The following GRIA1 variants were observed in gnomAD, a reference collection of about 807,000 sequenced individuals.
GRIA1 encodes glutamate receptor 1.
In GRIA1, 31 loss-of-function variants were observed where a neutral mutation model predicts 99.2. The observed-to-expected ratio is 0.31, with a 90% confidence interval of 0.23 to 0.42. The LOEUF (loss-of-function observed/expected upper bound fraction) is 0.42. GRIA1 is among the 10% of genes least tolerant of loss of function. The pLI is 1.00. For missense variants in GRIA1, 782 were observed against 1,157.5 expected (o/e 0.68, Z 4.71); for synonymous variants, 438 against 432.4 (o/e 1.01, Z -0.16).
chr5:153,703,872 G>A (rs1416046170), intron 10 of GRIA1, among the ~76,000 whole-genome samples: 4 of 152,096 alleles, frequency 2.6e-5, no homozygotes, highest in African/African-American at 4.8e-5. Context: ...CCTCCCTTCC[G>A]GATAACTTGT....
chr5:153,727,138 C>T (rs1159469665), intron 11 of GRIA1, among the ~76,000 whole-genome samples: 2 of 152,176 alleles, frequency 1.3e-5, no homozygotes, highest in East Asian at 1.9e-4. Context: ...ACAAAAACCA[C>T]ATGATTATCT....
chr5:153,518,998 C>T (rs1756882245), intron 2 of GRIA1, among the ~76,000 whole-genome samples: 1 of 152,180 alleles, frequency 6.6e-6, no homozygotes. Context: ...GGCACGGTGG[C>T]TTACGCCTGT....
chr5:153,806,555 C>T (rs1332946095), intron 15 of GRIA1, among the ~76,000 whole-genome samples: 3 of 152,168 alleles, frequency 2.0e-5, no homozygotes, highest in Admixed American at 1.3e-4. Context: ...TGAGCCACCA[C>T]GCCCCGCCCT....
chr5:153,672,051 A>C (rs570348366), intron 5 of GRIA1, among the ~76,000 whole-genome samples: 100 of 152,288 alleles, frequency 6.6e-4, no homozygotes, highest in African/African-American at 2.2e-3. Flanking sequence ...AATCCTAAAA[A>C]ACCAGGGAAG....
intron 2 of GRIA1, among the ~76,000 whole-genome samples, chr5:153,613,085 C>G (rs755235254): frequency 1.3e-5 from 2 of 152,126 alleles, no homozygotes; most frequent in Non-Finnish European, 2.9e-5. Context: ...GGAGTCGGTC[C>G]TTTTTGGACT....
At chr5:153,702,719 T>C (rs1017056445) in intron 10 of GRIA1, among the ~76,000 whole-genome samples, 1 of 152,182 alleles carries the variant, frequency 6.6e-6, no homozygotes, top group African/African-American at 2.4e-5. Flanking sequence ...CTCTGGCGTG[T>C]GTGTCTTTAA....
chr5:153,806,209 C>T (rs1423862240), intron 15 of GRIA1, among the ~76,000 whole-genome samples: 1 of 152,156 alleles, frequency 6.6e-6, no homozygotes, highest in Non-Finnish European at 1.5e-5. Context: ...CTTTCCCTCT[C>T]ATTTCTTTCC....
chr5:153,655,954 G>A (rs1023545790), intron 5 of GRIA1, 82 bp downstream of exon 5: 9 of 1,184,868 alleles, frequency 7.6e-6, no homozygotes, highest in South Asian at 4.9e-5. Context: ...CCTGGCTGAT[G>A]TGAACTGAGT....
intron 11 of GRIA1, among the ~76,000 whole-genome samples, chr5:153,722,603 T>G (rs548156201): frequency 2.5e-4 from 38 of 152,332 alleles, no homozygotes; most frequent in African/African-American, 8.7e-4. Context: ...TTCACATAAA[T>G]CAGTTACCAA....
chr5:153,600,118 G>A (rs1440826156), intron 2 of GRIA1, among the ~76,000 whole-genome samples: 1 of 151,946 alleles, frequency 6.6e-6, no homozygotes, highest in Non-Finnish European at 1.5e-5. Context: ...TGGACCCGGC[G>A]CGGTGGCTCA....
intron 11 of GRIA1, among the ~76,000 whole-genome samples, chr5:153,742,597 T>C (rs1183802450): frequency 1.3e-5 from 2 of 152,214 alleles, no homozygotes; most frequent in Non-Finnish European, 2.9e-5. Context: ...ATCCACTTCC[T>C]GTGTTTGTGA....
In GRIA1 at chr5:153,535,168, C is replaced by T. The variant is rs190999458; in HGVS notation, c.220+41103C>T. Among the ~76,000 whole-genome samples the T allele has an allele frequency of 2.3e-3, 349 of 152,242 alleles. 2 individuals are homozygous for T. Among genetic ancestry groups the T allele is most frequent in the African/African-American group, 8.3e-3 (344 of 41,546 alleles). ...AACTCCTGACCTCAAGCGATCTGCC[C>T]GTCTCGGCCTCCCAAAATGCTGGGA... On this transcript the variant is annotated intron_variant, in intron 2 of 15. Coordinates refer to ENST00000285900, the MANE Select transcript of GRIA1 (RefSeq NM_000827.4).
rs192278707 is a variant in GRIA1, at chr5:153,760,013, C to A, written c.1824-4421C>A. Among the ~76,000 whole-genome samples, 389 of 151,858 alleles carry A rather than the reference C, an allele frequency of 2.6e-3. 3 individuals are homozygous for A. The highest frequency in any genetic ancestry group is 8.7e-3 in the African/African-American group (359 of 41,446). On this transcript the variant is annotated intron_variant, in intron 11 of 15. Transcript: ENST00000285900. ...ATTCAGCAACCTTTTATGACGAAAA[C>A]CCTCAACAAATTAACTATAGAAAGA...
intron 13 of GRIA1, among the ~76,000 whole-genome samples, chr5:153,783,530 C>G (rs1764773537): frequency 6.6e-6 from 1 of 152,168 alleles, no homozygotes; most frequent in African/African-American, 2.4e-5. Flanking sequence ...TTGGAGGAGC[C>G]AGACTTCAGA....
chr5:153,677,120 C>T lies in GRIA1; in HGVS notation c.988C>T (p.Pro330Ser), dbSNP rs745977119. The change falls in exon 7 of 16, where the codon CCC becomes TCC. Residue 330 changes from proline to serine, a missense_variant. Coordinates refer to ENST00000285900, the MANE Select transcript of GRIA1 (RefSeq NM_000827.4). ...GGATTGTCTGGCTAACCCAGCTGTTCCCTGGGGCCAAGGGATCGACATCCA... is the reference window on the plus strand; with the variant it reads ...GGATTGTCTGGCTAACCCAGCTGTTTCCTGGGGCCAAGGGATCGACATCCA... ...AGDCLANPAV[P>S]WGQGIDIQRA... 16 of 1,566,412 alleles carry T rather than the reference C, an allele frequency of 1.0e-5. No homozygotes were observed. The highest frequency in any genetic ancestry group is 1.4e-5 in the Non-Finnish European group (16 of 1,150,964).
In GRIA1 at chr5:153,753,734, T is replaced by C. The variant is rs932306506; in HGVS notation, c.1824-10700T>C. 5.4e-5 allele frequency among the ~76,000 whole-genome samples: 8 copies of C among 147,376 alleles called. No homozygotes were observed. In the South Asian group the frequency reaches 8.8e-4, roughly 16 times the overall value. The stretch of plus-strand genomic sequence containing the variant: ...AAAAATCCTCAAATACCCAGGGGGG[T>C]TTGGGAAAAGCCATGCCAAGTTGCA... On this transcript the variant is annotated intron_variant, in intron 11 of 15. Coordinates refer to ENST00000285900, the MANE Select transcript of GRIA1 (RefSeq NM_000827.4).
At chr5:153,708,027 C>G (rs1581511271) in intron 11 of GRIA1, among the ~76,000 whole-genome samples, 2 of 152,132 alleles carry the variant, frequency 1.3e-5, no homozygotes, top group East Asian at 3.9e-4. Flanking sequence ...AGAGAAGACC[C>G]ATGAACTTGT....
In GRIA1 at chr5:153,559,828, CA is replaced by C. The variant is rs896980450; in HGVS notation, c.220+65772del. On this transcript the variant is annotated intron_variant, in intron 2 of 15. Coordinates refer to ENST00000285900, the MANE Select transcript of GRIA1 (RefSeq NM_000827.4). ...GACTATATTTTGGTATAATTTTATA[CA>C]AAAAAAAATTGCCTGACTTTTGCCT... Among the ~76,000 whole-genome samples, 15 of 151,410 alleles carry C rather than the reference CA, an allele frequency of 9.9e-5. No homozygotes were observed. The South Asian group carries it at 2.5e-3, about 25-fold the overall frequency.
chr5:153,745,285 A>AAATT (rs1762070992), intron 11 of GRIA1, among the ~76,000 whole-genome samples: 1 of 123,576 alleles, frequency 8.1e-6, no homozygotes, highest in Admixed American at 8.5e-5. Context: ...ATCAAGTTAG[A>AAATT]AATTACAAAA....
Sources: allele counts gnomAD v4.1 joint callset (sites outside exome capture counted in the v4.1 genomes callset), GRCh38; gene constraint gnomAD v4.1.1; transcripts MANE v1.5; gene names NCBI Gene and HGNC (gene_info 2026-07-23, HGNC 2026-07-21).